CERS6: variants seen among roughly 807,000 people sequenced by gnomAD.
The protein encoded by CERS6 is ceramide synthase 6.
Under a neutral mutation model 56.8 loss-of-function variants are expected in CERS6, and 26 were observed. That is an observed-to-expected ratio of 0.46 (90% CI 0.34 to 0.63). The LOEUF (loss-of-function observed/expected upper bound fraction) is 0.63. Among genes scored for constraint, CERS6 ranks in the 30% least tolerant of loss-of-function variants. The probability of loss-of-function intolerance (pLI) is 0.01; values close to 1 mark genes in which losing one functional copy is unlikely to be tolerated. For missense variants in CERS6, 415 were observed against 467.5 expected (o/e 0.89, Z 1.04); for synonymous variants, 164 against 173.3 (o/e 0.95, Z 0.42).
At chr2:168,555,726 G>A (rs533310623) in intron 2 of CERS6, among the ~76,000 whole-genome samples, 2 of 61,686 alleles carry the variant, frequency 3.2e-5, no homozygotes, top group African/African-American at 7.6e-5. Flanking sequence ...TTGACTCTGT[G>A]TGTGTGTGTG....
intron 2 of CERS6, among the ~76,000 whole-genome samples, chr2:168,557,375 T>C (rs1331916815): frequency 6.6e-6 from 1 of 152,206 alleles, no homozygotes; most frequent in East Asian, 1.9e-4. Flanking sequence ...TATGATCTTC[T>C]TGAAAATACT....
At chr2:168,754,002 C>G (rs1473432613) in intron 8 of CERS6, among the ~76,000 whole-genome samples, 1 of 152,066 alleles carries the variant, frequency 6.6e-6, no homozygotes, top group Admixed American at 6.5e-5. Context: ...TGGCTTGATG[C>G]GGGGGCGGGG....
intron 1 of CERS6, among the ~76,000 whole-genome samples, chr2:168,474,712 G>A (rs1165061120): frequency 6.6e-6 from 1 of 152,104 alleles, no homozygotes; most frequent in African/African-American, 2.4e-5. Context: ...TTTATACTTT[G>A]AACTTTGCAA....
intron 8 of CERS6, among the ~76,000 whole-genome samples, chr2:168,739,069 T>A (rs1683811019): frequency 7.1e-6 from 1 of 140,428 alleles, no homozygotes; most frequent in African/African-American, 2.7e-5. Flanking sequence ...TTTTTTTTTT[T>A]TTTTTTTTTT....
intron 8 of CERS6, among the ~76,000 whole-genome samples, chr2:168,749,866 T>C (rs2105443430): frequency 6.6e-6 from 1 of 152,332 alleles, no homozygotes; most frequent in Non-Finnish European, 1.5e-5. Flanking sequence ...CAGCTCTGTG[T>C]GTGCTCCTGC....
intron 8 of CERS6, among the ~76,000 whole-genome samples, chr2:168,756,725 G>A (rs1250926198): frequency 6.6e-6 from 1 of 152,104 alleles, no homozygotes; most frequent in Non-Finnish European, 1.5e-5. Context: ...CATAAGCCTG[G>A]GTGAAGAACG....
In CERS6 at chr2:168,765,588, T is replaced by C; in HGVS notation, c.846-4T>C. On this transcript the variant is annotated splice_polypyrimidine_tract_variant and splice_region_variant and intron_variant, in intron 8 of 9. Coordinates refer to ENST00000305747, the MANE Select transcript of CERS6 (RefSeq NM_203463.3). ...TTCACTAATCACCTCCTTCTTTTCC[T>C]TAGGGTGTTAAATACCACATTATTT... is the stretch of plus-strand genomic sequence containing the variant. 6.2e-7 allele frequency: 1 copy of C among 1,612,342 alleles called. No individual in the cohort carries two copies. Among genetic ancestry groups the C allele is most frequent in the Non-Finnish European group, 8.5e-7 (1 of 1,179,418 alleles).
At position 168,596,336 on chromosome 2, in the gene CERS6, G is replaced by T. The variant is rs151337563; in HGVS notation, c.408-34649G>T. On this transcript the variant is annotated intron_variant, in intron 3 of 9. Coordinates refer to ENST00000305747, the MANE Select transcript of CERS6 (RefSeq NM_203463.3). ...GAGACCAGATTATGTGTGTGGGCGGGGGATTGGGGGGAGGGGTTGTTGTCT... is the reference window on the plus strand; with the variant it reads ...GAGACCAGATTATGTGTGTGGGCGGTGGATTGGGGGGAGGGGTTGTTGTCT... Among the ~76,000 whole-genome samples the T allele has an allele frequency of 2.6e-3, 388 of 152,060 alleles. 1 individual carries two copies. Among genetic ancestry groups the T allele is most frequent in the Non-Finnish European group, 4.1e-3 (276 of 67,998 alleles).
At chr2:168,592,397 A>C (rs114496060) in intron 3 of CERS6, among the ~76,000 whole-genome samples, 1,807 of 152,202 alleles carry the variant, frequency 0.012, 19 homozygotes, top group Non-Finnish European at 0.019. Flanking sequence ...CTAGAGAAGC[A>C]GATGGGGCCA....
chr2:168,639,760 T>C (rs1022746576), intron 4 of CERS6, among the ~76,000 whole-genome samples: 1 of 152,182 alleles, frequency 6.6e-6, no homozygotes, highest in African/African-American at 2.4e-5. Context: ...GCTCTGATTA[T>C]AGCTCTGTGT....
At chr2:168,561,440 G>A in intron 3 of CERS6, 118 bp downstream of exon 3, 3 of 1,114,816 alleles carry the variant, frequency 2.7e-6, no homozygotes, top group Non-Finnish European at 3.8e-6. Flanking sequence ...AATCTGGTGG[G>A]AAAATAGTTC....
Position 168,645,154 on chromosome 2 carries a change from G to T in CERS6, c.465+14112G>T, listed in dbSNP as rs1195498737. 2.3e-3 allele frequency among the ~76,000 whole-genome samples: 201 copies of T among 85,664 alleles called. 2 individuals carry two copies. The highest frequency in any genetic ancestry group is 7.1e-3 in the African/African-American group (124 of 17,480). The allele number at this position is 85,664 out of a possible 152,430, so 56.2% of individuals were successfully genotyped here. On this transcript the variant is annotated intron_variant, in intron 4 of 9. Coordinates refer to ENST00000305747, the MANE Select transcript of CERS6 (RefSeq NM_203463.3). ...ATATATATATATATAGAGAGAGAGA[G>T]AGAGAGAGAGAGAGAGAGAGAGAGA...
chr2:168,681,458 ATAT>A (rs1310507272), intron 4 of CERS6, among the ~76,000 whole-genome samples: 1 of 152,228 alleles, frequency 6.6e-6, no homozygotes, highest in African/African-American at 2.4e-5. Context: ...TTGTTTATAA[ATAT>A]AGAGCAAATT....
chr2:168,509,460 G>A (rs1329779310), intron 1 of CERS6, among the ~76,000 whole-genome samples: 2 of 152,100 alleles, frequency 1.3e-5, no homozygotes, highest in Non-Finnish European at 2.9e-5. Context: ...AAAACAATGG[G>A]TCTATGAATC....
intron 3 of CERS6, among the ~76,000 whole-genome samples, chr2:168,563,017 A>G (rs1695820086): frequency 1.3e-5 from 2 of 152,150 alleles, no homozygotes; most frequent in South Asian, 2.1e-4. Context: ...TCCTCTGACT[A>G]ACTTCTTTGG....
chr2:168,505,382 C>CAAAAAAAAA (rs370477008), intron 1 of CERS6, among the ~76,000 whole-genome samples: 1 of 96,378 alleles, frequency 1.0e-5, no homozygotes. Flanking sequence ...ACCCTGTTTC[C>CAAAAAAAAA]AAAAAAAAAA....
intron 4 of CERS6, among the ~76,000 whole-genome samples, chr2:168,644,806 C>T (rs1372165800): frequency 1.3e-5 from 2 of 151,772 alleles, no homozygotes; most frequent in Non-Finnish European, 2.9e-5. Flanking sequence ...TTAAAAGTAA[C>T]TTCTAGGCTG....
At chr2:168,764,816 T>C (rs1328421871) in intron 8 of CERS6, among the ~76,000 whole-genome samples, 1 of 152,136 alleles carries the variant, frequency 6.6e-6, no homozygotes, top group Non-Finnish European at 1.5e-5. Flanking sequence ...TGAAAATTAA[T>C]GAAAGAAATG....
intron 4 of CERS6, among the ~76,000 whole-genome samples, chr2:168,631,512 A>ATTTAATATTTATATAT (rs1684719015): frequency 8.1e-6 from 1 of 123,660 alleles, no homozygotes; most frequent in African/African-American, 3.1e-5. Flanking sequence ...TATAATATAT[A>ATTTAATATTTATATAT]TAAACTATTA....
Sources: gnomAD v4.1 joint callset for allele counts (sites outside exome capture counted in the v4.1 genomes callset) on GRCh38, gnomAD v4.1.1 for gene constraint, MANE v1.5 for transcripts, NCBI Gene and HGNC (gene_info 2026-07-23, HGNC 2026-07-21) for gene names.